MARCHF3: variants seen among roughly 807,000 people sequenced by gnomAD.
MARCHF3 encodes the protein membrane associated ring-CH-type finger 3.
Under a neutral mutation model 24.2 loss-of-function variants are expected in MARCHF3, and 13 were observed. The observed-to-expected ratio is 0.54, with a 90% CI of 0.35 to 0.85. The LOEUF is 0.85. MARCHF3 is among the 40% of genes least tolerant of loss of function. The probability of loss-of-function intolerance (pLI) is 0.01; values close to 1 mark genes in which losing one functional copy is unlikely to be tolerated. For synonymous variants in MARCHF3, 144 were observed against 137.3 expected (o/e 1.05, Z -0.34); for missense variants, 276 against 325.0 (o/e 0.85, Z 1.16).
At chr5:126,882,569 T>C (rs961510408) in intron 3 of MARCHF3, among the ~76,000 whole-genome samples, 1 of 152,190 alleles carries the variant, frequency 6.6e-6, no homozygotes, top group Non-Finnish European at 1.5e-5. Flanking sequence ...GGTATATACA[T>C]TGACTATTAT....
At chr5:126,871,160 T>A (rs1332196095) in intron 4 of MARCHF3, among the ~76,000 whole-genome samples, 1 of 152,220 alleles carries the variant, frequency 6.6e-6, no homozygotes, top group Non-Finnish European at 1.5e-5. Context: ...GCAATGCGCC[T>A]ATCAGGTGCC....
intron 1 of MARCHF3, among the ~76,000 whole-genome samples, chr5:127,003,888 A>G (rs187367019): frequency 4.1e-4 from 63 of 152,294 alleles, no homozygotes; most frequent in Admixed American, 1.5e-3. Flanking sequence ...GGTATGTACT[A>G]ATGGGGAACT....
rs80113749 is a variant in MARCHF3 at position 126,931,909 on chromosome 5, C to T, written c.-56-13682G>A. On this transcript the variant is annotated intron_variant, in intron 1 of 4. Transcript: ENST00000308660. ...TAATAATAATAATTCAGCATGTGAG[C>T]GTTGGAGTTAGATACCTTGGGTTTG... is the stretch of plus-strand genomic sequence containing the variant. Among the ~76,000 whole-genome samples, 6 of 152,258 alleles carry T rather than the reference C, an allele frequency of 3.9e-5. No homozygotes were observed. The East Asian group carries it at 1.2e-3, about 29-fold the overall frequency.
intron 1 of MARCHF3, among the ~76,000 whole-genome samples, chr5:126,996,309 T>C: frequency 6.6e-6 from 1 of 152,180 alleles, no homozygotes; most frequent in Non-Finnish European, 1.5e-5. Flanking sequence ...GTTATCTGAT[T>C]TGGCAATTAA....
chr5:126,987,616 C>CTG (rs754981581), intron 1 of MARCHF3, among the ~76,000 whole-genome samples: 1 of 152,182 alleles, frequency 6.6e-6, no homozygotes, highest in Non-Finnish European at 1.5e-5. Context: ...AGAACCCTAC[C>CTG]TGATACAAAG....
intron 1 of MARCHF3, among the ~76,000 whole-genome samples, chr5:126,949,439 G>T (rs1002554286): frequency 6.6e-6 from 1 of 152,204 alleles, no homozygotes; most frequent in African/African-American, 2.4e-5. Context: ...CATACAGCAA[G>T]AGGCCTCAAA....
intron 3 of MARCHF3, among the ~76,000 whole-genome samples, chr5:126,895,573 GT>G (rs1753855107): frequency 6.6e-6 from 1 of 152,134 alleles, no homozygotes; most frequent in Non-Finnish European, 1.5e-5. Flanking sequence ...ACCCTGCAGT[GT>G]GAGGTGTCAG....
intron 1 of MARCHF3, among the ~76,000 whole-genome samples, chr5:126,937,824 C>A (rs1749695731): frequency 1.3e-5 from 2 of 152,038 alleles, no homozygotes; most frequent in South Asian, 4.2e-4. Flanking sequence ...AGCTTTCTTC[C>A]CCCAAGATTA....
chr5:126,969,315 T>C (rs1238551437), intron 1 of MARCHF3, among the ~76,000 whole-genome samples: 1 of 152,228 alleles, frequency 6.6e-6, no homozygotes, highest in East Asian at 1.9e-4. Flanking sequence ...TGGTCTACTT[T>C]AGGGTTTTTT....
At chr5:126,968,165 T>C (rs1750879917) in intron 1 of MARCHF3, among the ~76,000 whole-genome samples, 1 of 152,236 alleles carries the variant, frequency 6.6e-6, no homozygotes, top group Admixed American at 6.5e-5. Context: ...CTTTTCATGG[T>C]TGACCATTTC....
At chr5:126,921,975 A>AC (rs1465847437) in intron 1 of MARCHF3, among the ~76,000 whole-genome samples, 4 of 152,182 alleles carry the variant, frequency 2.6e-5, no homozygotes, top group Admixed American at 6.5e-5. Context: ...TTAAACTGTG[A>AC]CCCCTGAAAA....
chr5:126,897,197 G>A (rs1449337109), intron 3 of MARCHF3, among the ~76,000 whole-genome samples: 2 of 151,500 alleles, frequency 1.3e-5, no homozygotes, highest in Non-Finnish European at 2.9e-5. Flanking sequence ...GTGCCACCAC[G>A]CCCGGCTAAT....
chr5:127,015,592 C>T (rs1435091950), intron 1 of MARCHF3, among the ~76,000 whole-genome samples: 1 of 152,166 alleles, frequency 6.6e-6, no homozygotes, highest in South Asian at 2.1e-4. Context: ...TGGAGGAAAG[C>T]ATTCTGCTTC....
chr5:126,886,226 A>G (rs904107194), intron 3 of MARCHF3, among the ~76,000 whole-genome samples: 10 of 152,132 alleles, frequency 6.6e-5, no homozygotes, highest in Non-Finnish European at 1.2e-4. Context: ...TCCTTGTTTA[A>G]GGTTACATGG....
chr5:126,919,499 A>G (rs1749027353), intron 1 of MARCHF3, among the ~76,000 whole-genome samples: 1 of 152,190 alleles, frequency 6.6e-6, no homozygotes, highest in Admixed American at 6.5e-5. Flanking sequence ...AAACCCCAAG[A>G]GGATTCCTGG....
At chr5:126,955,844 T>C (rs1376771296) in intron 1 of MARCHF3, among the ~76,000 whole-genome samples, 1 of 152,224 alleles carries the variant, frequency 6.6e-6, no homozygotes, top group East Asian at 1.9e-4. Context: ...TTGTCCTTTT[T>C]TGTGTACCGA....
intron 1 of MARCHF3, among the ~76,000 whole-genome samples, chr5:126,988,265 C>T (rs539033657): frequency 2.0e-4 from 31 of 152,284 alleles, no homozygotes; most frequent in African/African-American, 7.5e-4. Flanking sequence ...ATCAAGGTTC[C>T]ATGCAGATTT....
intron 1 of MARCHF3, among the ~76,000 whole-genome samples, chr5:126,919,066 T>C (rs531233460): frequency 3.5e-4 from 54 of 152,250 alleles, no homozygotes; most frequent in African/African-American, 1.3e-3. Flanking sequence ...CTATCACCAA[T>C]TAAACATAAT....
At chr5:126,899,369 T>G (rs906561907) in intron 3 of MARCHF3, 10 of 899,228 alleles carry the variant, frequency 1.1e-5, no homozygotes, top group Admixed American at 6.2e-5. Context: ...TTTACCAATC[T>G]GAATTATCTT....
Sources: gnomAD v4.1 joint callset for allele counts (sites outside exome capture counted in the v4.1 genomes callset) on GRCh38, gnomAD v4.1.1 for gene constraint, MANE v1.5 for transcripts, NCBI Gene and HGNC (gene_info 2026-07-23, HGNC 2026-07-21) for gene names.